QTMAN: variants seen among roughly 807,000 people sequenced by gnomAD.
The protein encoded by QTMAN is tRNA-queuosine alpha-mannosyltransferase.
chr2:144,208,225 C>T, the QTMAN span, among the ~76,000 whole-genome samples: 8 of 152,318 alleles, frequency 5.3e-5, no homozygotes, highest in South Asian at 1.7e-3. Flanking sequence ...CCTCAACAGA[C>T]TTTAAAGCCT....
the QTMAN span, among the ~76,000 whole-genome samples, chr2:144,299,869 C>T: frequency 2.0e-5 from 3 of 152,108 alleles, no homozygotes; most frequent in Admixed American, 6.5e-5. Flanking sequence ...TAGAAGAGTC[C>T]ATCAGTGGAC....
At chr2:143,939,104 T>C in the QTMAN span, 1 of 152,244 alleles carries the variant, frequency 6.6e-6, no homozygotes, top group South Asian at 2.1e-4. Flanking sequence ...CCTTTAGGCA[T>C]CTAGTCTTTC....
the QTMAN span, among the ~76,000 whole-genome samples, chr2:144,051,224 G>A: frequency 6.6e-6 from 1 of 152,012 alleles, no homozygotes; most frequent in Admixed American, 6.6e-5. Flanking sequence ...GTGTGTGTGT[G>A]TATGCACATA....
At chr2:144,011,801 C>T in the QTMAN span, 1 of 941,282 alleles carries the variant, frequency 1.1e-6, no homozygotes, top group African/African-American at 1.8e-5. Context: ...CCAGTTCCAA[C>T]TCTGGTGGAG....
chr2:144,276,524 C>T, the QTMAN span, among the ~76,000 whole-genome samples: 6 of 152,168 alleles, frequency 3.9e-5, no homozygotes, highest in African/African-American at 1.2e-4. Flanking sequence ...TCCTCTTACA[C>T]GTCAGACCTA....
the QTMAN span, among the ~76,000 whole-genome samples, chr2:144,248,127 A>G: frequency 6.6e-6 from 1 of 150,684 alleles, no homozygotes; most frequent in Non-Finnish European, 1.5e-5. Flanking sequence ...GTTTTACGTA[A>G]TAGTAAAACA....
At chr2:144,074,795 T>C in the QTMAN span, among the ~76,000 whole-genome samples, 1 of 152,172 alleles carries the variant, frequency 6.6e-6, no homozygotes, top group Non-Finnish European at 1.5e-5. Context: ...AGAGTATTAG[T>C]AATGTTCTCC....
chr2:144,246,064 T>C, the QTMAN span, among the ~76,000 whole-genome samples: 2 of 152,144 alleles, frequency 1.3e-5, no homozygotes, highest in Non-Finnish European at 2.9e-5. Flanking sequence ...CCTAATTATG[T>C]CACTTCCTCC....
chr2:144,331,301 A>AG, the QTMAN span, among the ~76,000 whole-genome samples: 42 of 152,290 alleles, frequency 2.8e-4, no homozygotes, highest in Admixed American at 1.0e-3. Context: ...TTAAGGTTAA[A>AG]CACGTTAATA....
chr2:144,132,435 T>C, the QTMAN span, among the ~76,000 whole-genome samples: 1 of 152,072 alleles, frequency 6.6e-6, no homozygotes, highest in Non-Finnish European at 1.5e-5. Flanking sequence ...TTCCCAGCAT[T>C]CTAAAATAGA....
the QTMAN span, among the ~76,000 whole-genome samples, chr2:144,119,876 C>CAAAAA: frequency 1.7e-4 from 25 of 151,264 alleles, 1 homozygote; most frequent in Admixed American, 5.2e-4. Context: ...CAAAACAAAA[C>CAAAAA]AAAAAACAAA....
the QTMAN span, among the ~76,000 whole-genome samples, chr2:144,281,510 A>G: frequency 6.6e-6 from 1 of 151,890 alleles, no homozygotes; most frequent in Non-Finnish European, 1.5e-5. Context: ...TCACTGAACT[A>G]TAGTAGTGGT....
At chr2:144,096,379 G>T in the QTMAN span, among the ~76,000 whole-genome samples, 2 of 152,206 alleles carry the variant, frequency 1.3e-5, no homozygotes, top group Admixed American at 6.5e-5. Context: ...TTTTATTAGG[G>T]TCATTGCTTG....
At chr2:144,034,453 A>G in the QTMAN span, among the ~76,000 whole-genome samples, 1 of 152,128 alleles carries the variant, frequency 6.6e-6, no homozygotes, top group Non-Finnish European at 1.5e-5. Context: ...CCTGGCACTA[A>G]AACACTTATT....
At chr2:144,292,746 C>T in the QTMAN span, among the ~76,000 whole-genome samples, 2 of 152,034 alleles carry the variant, frequency 1.3e-5, no homozygotes, top group African/African-American at 4.8e-5. Context: ...CTATAACTTA[C>T]TTAAATTATA....
At chr2:143,989,428 T>C in the QTMAN span, among the ~76,000 whole-genome samples, 1,556 of 152,214 alleles carry the variant, frequency 0.01, 29 homozygotes, top group African/African-American at 0.035. Context: ...GAAAGGGACA[T>C]ACAGGGTAAG....
At chr2:144,179,712 A>G in the QTMAN span, among the ~76,000 whole-genome samples, 1 of 152,204 alleles carries the variant, frequency 6.6e-6, no homozygotes, top group Admixed American at 6.6e-5. Context: ...ACAAAACTCA[A>G]GAAGTATAGT....
chr2:144,146,422 A>G, the QTMAN span, among the ~76,000 whole-genome samples: 3 of 151,590 alleles, frequency 2.0e-5, no homozygotes, highest in Non-Finnish European at 4.4e-5. Flanking sequence ...CCTCATTTTT[A>G]AGGGAAAAAG....
At chr2:144,127,014 A>C in the QTMAN span, among the ~76,000 whole-genome samples, 1 of 151,966 alleles carries the variant, frequency 6.6e-6, no homozygotes, top group African/African-American at 2.4e-5. Context: ...CTCTTTTTAG[A>C]ACACACACAA....
Sources: allele counts gnomAD v4.1 joint callset (sites outside exome capture counted in the v4.1 genomes callset), GRCh38; gene constraint gnomAD v4.1.1; transcripts MANE v1.5; gene names NCBI Gene and HGNC (gene_info 2026-07-23, HGNC 2026-07-21).